The following MACROD2 variants were observed in gnomAD, a reference collection of about 807,000 sequenced individuals.
MACROD2 encodes ADP-ribose glycohydrolase MACROD2.
MACROD2 carries 36 observed loss-of-function variants against 70.4 expected under a neutral mutation model. The ratio of observed to expected loss-of-function variants is 0.51; its 90% CI spans 0.39 to 0.68. The LOEUF (loss-of-function observed/expected upper bound fraction) is 0.68, where lower values mean the gene tolerates loss of function less well. MACROD2 is among the 30% of genes least tolerant of loss of function. The pLI is 0.00. For synonymous variants in MACROD2, 172 were observed against 178.8 expected, an observed-to-expected ratio of 0.96 and a Z score of 0.30; for missense variants, 496 against 538.4, an observed-to-expected ratio of 0.92 and a Z score of 0.78.
At chr20:15,518,246 G>A (rs1280092092) in intron 8 of MACROD2, among the ~76,000 whole-genome samples, 1 of 152,256 alleles carries the variant, frequency 6.6e-6, no homozygotes, top group Non-Finnish European at 1.5e-5. Context: ...TTCATGCAGA[G>A]TTCCTGAAAA....
intron 3 of MACROD2, among the ~76,000 whole-genome samples, chr20:14,087,707 C>A (rs1416274170): frequency 6.6e-6 from 1 of 152,048 alleles, no homozygotes; most frequent in Non-Finnish European, 1.5e-5. Context: ...TCCCGTGGGG[C>A]CTCTGGGGGA....
At chr20:15,096,740 G>A (rs888682492) in intron 5 of MACROD2, among the ~76,000 whole-genome samples, 6 of 151,146 alleles carry the variant, frequency 4.0e-5, no homozygotes, top group African/African-American at 1.2e-4. Flanking sequence ...TGGAGCTCCT[G>A]ACGTCAAGTA....
chr20:14,508,712 A>G (rs1476562812), intron 4 of MACROD2, among the ~76,000 whole-genome samples: 1 of 152,120 alleles, frequency 6.6e-6, no homozygotes, highest in African/African-American at 2.4e-5. Flanking sequence ...AAATATATTT[A>G]TTCACTAAGG....
intron 3 of MACROD2, among the ~76,000 whole-genome samples, chr20:14,427,597 C>A (rs2083948336): frequency 6.6e-6 from 1 of 151,966 alleles, no homozygotes; most frequent in Non-Finnish European, 1.5e-5. Context: ...CACAAACATG[C>A]ATATGCAAAT....
intron 10 of MACROD2, chr20:15,892,857 T>C: frequency 2.5e-6 from 1 of 398,076 alleles, no homozygotes; most frequent in East Asian, 3.6e-5. Context: ...AAAACATTTT[T>C]AAATTTCACA....
At chr20:14,702,314 C>A (rs1006047613) in intron 5 of MACROD2, among the ~76,000 whole-genome samples, 1 of 151,174 alleles carries the variant, frequency 6.6e-6, no homozygotes, top group Admixed American at 6.6e-5. Flanking sequence ...CTGACAAATT[C>A]TTCTTTTCAG....
chr20:15,484,039 T>C (rs934936269), intron 7 of MACROD2, among the ~76,000 whole-genome samples: 5 of 148,062 alleles, frequency 3.4e-5, no homozygotes, highest in Admixed American at 1.4e-4. Flanking sequence ...CCCATCATTA[T>C]GCCTTTTATT....
intron 3 of MACROD2, among the ~76,000 whole-genome samples, chr20:14,126,932 G>C (rs1315331565): frequency 6.6e-6 from 1 of 152,090 alleles, no homozygotes; most frequent in Admixed American, 6.6e-5. Context: ...ATTGAAATTA[G>C]GCCAATTAAT....
intron 5 of MACROD2, among the ~76,000 whole-genome samples, chr20:14,880,773 A>C (rs566403417): frequency 6.6e-6 from 1 of 152,356 alleles, no homozygotes; most frequent in South Asian, 2.1e-4. Context: ...GAACCGTCTA[A>C]CTTATGCCTT....
intron 8 of MACROD2, among the ~76,000 whole-genome samples, chr20:15,644,289 C>T (rs553432396): frequency 6.6e-6 from 1 of 152,200 alleles, no homozygotes; most frequent in South Asian, 2.1e-4. Context: ...CCCCACTTAC[C>T]CAGTAATATA....
In MACROD2 at chr20:14,939,131, T is replaced by C. The variant is rs1483502408; in HGVS notation, c.418+254172T>C. On this transcript the variant is annotated intron_variant, in intron 5 of 17. Coordinates refer to ENST00000684519, the MANE Select transcript of MACROD2 (RefSeq NM_001351661.2). Reference sequence around the variant, plus strand: ...GTAATCTCATTTACCAAGTTTTGCTTTTGCTGCCTCTGCTTTTGAAATCTT... The same window carrying C: ...GTAATCTCATTTACCAAGTTTTGCTCTTGCTGCCTCTGCTTTTGAAATCTT... 2.0e-5 allele frequency among the ~76,000 whole-genome samples: 3 copies of C among 151,978 alleles called. No homozygotes were observed. The East Asian group carries it at 5.8e-4, about 29-fold the overall frequency.
At chr20:14,715,780 T>G (rs968506785) in intron 5 of MACROD2, among the ~76,000 whole-genome samples, 1 of 152,140 alleles carries the variant, frequency 6.6e-6, no homozygotes, top group Non-Finnish European at 1.5e-5. Flanking sequence ...GTTTTTAAGT[T>G]AAACATCAAC....
At chr20:15,308,779 C>T (rs894668432) in intron 6 of MACROD2, among the ~76,000 whole-genome samples, 4 of 152,152 alleles carry the variant, frequency 2.6e-5, no homozygotes, top group South Asian at 2.1e-4. Context: ...CCACAGCACA[C>T]GTAGCCTGTG....
At chr20:14,365,073 T>C (rs2083259530) in intron 3 of MACROD2, among the ~76,000 whole-genome samples, 1 of 152,194 alleles carries the variant, frequency 6.6e-6, no homozygotes, top group Non-Finnish European at 1.5e-5. Context: ...TAAATTCTTT[T>C]AAATGTTTTC....
chr20:15,301,939 A>G (rs1568705713), intron 6 of MACROD2, among the ~76,000 whole-genome samples: 2 of 152,140 alleles, frequency 1.3e-5, no homozygotes, highest in Non-Finnish European at 2.9e-5. Flanking sequence ...AGAAAATCCC[A>G]AACAACCCAC....
rs150322138 is a variant in MACROD2 at position 15,407,092 on chromosome 20, A to G, written c.541-24313A>G. Among the ~76,000 whole-genome samples, 177 of 152,334 alleles carry G rather than the reference A, an allele frequency of 1.2e-3. 1 individual carries two copies. The highest frequency in any genetic ancestry group is 4.0e-3 in the African/African-American group (167 of 41,580). ...GCTCCTGCACTCCCCTGCCATGCGCAGCACCTGCTATCGGTACCTTCCCGT... is the reference window on the plus strand; with the variant it reads ...GCTCCTGCACTCCCCTGCCATGCGCGGCACCTGCTATCGGTACCTTCCCGT... On this transcript the variant is annotated intron_variant, in intron 6 of 17. Coordinates refer to ENST00000684519, the MANE Select transcript of MACROD2 (RefSeq NM_001351661.2).
At chr20:16,017,317 C>G (rs968223763) in intron 15 of MACROD2, among the ~76,000 whole-genome samples, 1 of 152,196 alleles carries the variant, frequency 6.6e-6, no homozygotes, top group Non-Finnish European at 1.5e-5. Context: ...ATATTTTCTG[C>G]TTTGTGGCTT....
At chr20:14,484,454 C>T (rs1349831941) in intron 3 of MACROD2, among the ~76,000 whole-genome samples, 6 of 152,102 alleles carry the variant, frequency 3.9e-5, no homozygotes. Flanking sequence ...TAATTATACT[C>T]TTTTAGTTAT....
chr20:15,553,975 T>C lies in MACROD2; in HGVS notation c.645+54128T>C, dbSNP rs1240223641. On this transcript the variant is annotated intron_variant, in intron 8 of 17. Transcript: ENST00000684519. ...ACAGATTCAGTTTAGCAGTTTCACA[T>C]GGCCACTCTGCAGACACTAGGAAGA... Among the ~76,000 whole-genome samples, 8 of 152,170 alleles carry C rather than the reference T, an allele frequency of 5.3e-5. No homozygotes were observed. In the East Asian group the frequency reaches 1.2e-3, roughly 22 times the overall value.
Sources: allele counts gnomAD v4.1 joint callset (sites outside exome capture counted in the v4.1 genomes callset), GRCh38; gene constraint gnomAD v4.1.1; transcripts MANE v1.5; gene names NCBI Gene and HGNC (gene_info 2026-07-23, HGNC 2026-07-21).